NALF1: variants seen among roughly 807,000 people sequenced by gnomAD.
NALF1 encodes NALCN channel auxiliary factor 1, also known as family with sequence similarity 155 member A.
A neutral mutation model predicts 48.4 loss-of-function variants in NALF1; 3 were observed. The ratio of observed to expected loss-of-function variants is 0.06; its 90% CI spans 0.03 to 0.16. The LOEUF is 0.16. NALF1 is among the 10% of genes least tolerant of loss of function. The pLI, the probability that NALF1 is intolerant of heterozygous loss-of-function variation, is 1.00. For missense variants in NALF1, 526 were observed against 571.5 expected (o/e 0.92, Z 0.81); for synonymous variants, 262 against 245.7 (o/e 1.07, Z -0.62).
intron 1 of NALF1, among the ~76,000 whole-genome samples, chr13:107,697,703 C>A (rs1345675446): frequency 6.6e-6 from 1 of 152,090 alleles, no homozygotes; most frequent in Non-Finnish European, 1.5e-5. Flanking sequence ...TATCTACACA[C>A]AAATATGAAA....
intron 1 of NALF1, among the ~76,000 whole-genome samples, chr13:107,648,546 T>C (rs1408928321): frequency 6.6e-6 from 1 of 152,180 alleles, no homozygotes; most frequent in African/African-American, 2.4e-5. Context: ...TAATATTCCA[T>C]TGTATAGATA....
Position 107,761,072 on chromosome 13 carries a change from G to C in NALF1, c.915+104610C>G, listed in dbSNP as rs1877248174. Reference sequence around the variant, plus strand: ...GGTTAAGAAAAAATGGCAAACACCGGCCAGGCGCGGTGGCTGAAATCACAC... The same window carrying C: ...GGTTAAGAAAAAATGGCAAACACCGCCCAGGCGCGGTGGCTGAAATCACAC... On this transcript the variant is annotated intron_variant, in intron 1 of 2. Transcript: ENST00000375915. Among the ~76,000 whole-genome samples, 5 of 152,258 alleles carry C rather than the reference G, an allele frequency of 3.3e-5. No homozygotes were observed. The South Asian group carries it at 1.0e-3, about 32-fold the overall frequency.
chr13:107,331,716 G>A (rs1320248361), intron 1 of NALF1, among the ~76,000 whole-genome samples: 1 of 152,054 alleles, frequency 6.6e-6, no homozygotes, highest in Non-Finnish European at 1.5e-5. Flanking sequence ...ATTAGAACAT[G>A]AAGCAATTTT....
intron 1 of NALF1, among the ~76,000 whole-genome samples, chr13:107,307,800 T>A (rs773867877): frequency 7.2e-5 from 11 of 152,178 alleles, no homozygotes; most frequent in African/African-American, 2.7e-4. Flanking sequence ...AATTAGGTAA[T>A]CTTTTAACAC....
intron 1 of NALF1, among the ~76,000 whole-genome samples, chr13:107,425,247 ATATGTTCTTCCTGTTAGTAAT>A (rs894038850): frequency 2.1e-4 from 32 of 152,308 alleles, no homozygotes; most frequent in Admixed American, 1.8e-3. Context: ...GAAAATTTAG[ATATGTTCTTCCTGTTAGTAAT>A]TCATCATAAA....
At chr13:107,438,083 G>A (rs544880890) in intron 1 of NALF1, among the ~76,000 whole-genome samples, 1 of 152,252 alleles carries the variant, frequency 6.6e-6, no homozygotes, top group South Asian at 2.1e-4. Flanking sequence ...AAATTATTCT[G>A]AGTGATCTGA....
chr13:107,296,382 G>A (rs1454767528), intron 1 of NALF1, among the ~76,000 whole-genome samples: 3 of 151,900 alleles, frequency 2.0e-5, no homozygotes, highest in Non-Finnish European at 4.4e-5. Flanking sequence ...TATTTTTGTG[G>A]GACTAACTTT....
intron 1 of NALF1, among the ~76,000 whole-genome samples, chr13:107,686,664 A>G (rs1881439763): frequency 6.6e-6 from 1 of 152,168 alleles, no homozygotes; most frequent in South Asian, 2.1e-4. Flanking sequence ...TACTTCTCCA[A>G]AGAAGACATA....
chr13:107,809,347 C>T (rs1447012912), intron 1 of NALF1, among the ~76,000 whole-genome samples: 1 of 152,014 alleles, frequency 6.6e-6, no homozygotes, highest in African/African-American at 2.4e-5. Flanking sequence ...CAATGATGTT[C>T]CTACCCCTCT....
chr13:107,383,872 T>C (rs1248576886), intron 1 of NALF1, among the ~76,000 whole-genome samples: 2 of 152,184 alleles, frequency 1.3e-5, no homozygotes, highest in Non-Finnish European at 2.9e-5. Context: ...AAAAGATAAA[T>C]TGGCTAGTCC....
chr13:107,168,643 G>A lies in NALF1; in HGVS notation c.*1854C>T, dbSNP rs1310306688. On this transcript the variant is annotated 3_prime_UTR_variant, in exon 3 of 3. Coordinates refer to ENST00000375915, the MANE Select transcript of NALF1 (RefSeq NM_001080396.3). Reference sequence around the variant, plus strand: ...TCTAGTAAAATATTGTGCATGTACTGCTAAACAATTCTAGCAATTTTATTA... The same window carrying A: ...TCTAGTAAAATATTGTGCATGTACTACTAAACAATTCTAGCAATTTTATTA... 2 of 152,410 alleles carry A rather than the reference G, an allele frequency of 1.3e-5. No individual in the cohort carries two copies. Among genetic ancestry groups the A allele is most frequent in the African/African-American group, 4.8e-5 (2 of 41,360 alleles). The allele number at this position is 152,410 out of a possible 1,614,324, so 9.4% of individuals were successfully genotyped here.
intron 2 of NALF1, 59 bp from the exon 3 acceptor site, chr13:107,170,845 A>C (rs931260888): frequency 6.7e-7 from 1 of 1,500,888 alleles, no homozygotes; most frequent in African/African-American, 1.4e-5. Context: ...GACATAGTAG[A>C]GTGAAGCTGT....
In NALF1 at chr13:107,807,845, G is replaced by A. The variant is rs955724832; in HGVS notation, c.915+57837C>T. On this transcript the variant is annotated intron_variant, in intron 1 of 2. Transcript: ENST00000375915. ...ATACCCCATGGGGAACAGCTCACAC[G>A]GACTACCATATAAATGACTGTACCA... 3.9e-5 allele frequency among the ~76,000 whole-genome samples: 6 copies of A among 152,140 alleles called. No homozygotes were observed. In the East Asian group the frequency reaches 1.2e-3, roughly 29 times the overall value.
chr13:107,349,200 GA>G (rs1245908586), intron 1 of NALF1, among the ~76,000 whole-genome samples: 1 of 152,178 alleles, frequency 6.6e-6, no homozygotes. Context: ...TTTCGAAAGA[GA>G]AAAATCGCTT....
intron 1 of NALF1, among the ~76,000 whole-genome samples, chr13:107,660,280 A>C (rs943633070): frequency 1.1e-4 from 16 of 151,678 alleles, no homozygotes; most frequent in Non-Finnish European, 2.1e-4. Context: ...TCTACCAAAA[A>C]TACAAAAATT....
intron 1 of NALF1, among the ~76,000 whole-genome samples, chr13:107,581,801 T>C (rs1878319422): frequency 1.3e-5 from 2 of 152,184 alleles, no homozygotes; most frequent in East Asian, 1.9e-4. Flanking sequence ...TCTGACACCA[T>C]ATCAGACCCT....
intron 1 of NALF1, among the ~76,000 whole-genome samples, chr13:107,528,792 G>T (rs566432483): frequency 1.3e-5 from 2 of 152,122 alleles, no homozygotes. Flanking sequence ...TTGTCATCAC[G>T]ACGATTCATT....
chr13:107,596,597 C>T (rs953934090), intron 1 of NALF1, among the ~76,000 whole-genome samples: 1 of 152,062 alleles, frequency 6.6e-6, no homozygotes, highest in African/African-American at 2.4e-5. Flanking sequence ...TGCATGTTCT[C>T]ACTCATAAGT....
Position 107,655,757 on chromosome 13 carries a change from C to CTA in NALF1, c.915+209923_915+209924dup, listed in dbSNP as rs1880559245. 2.0e-5 allele frequency among the ~76,000 whole-genome samples: 3 copies of CTA among 152,044 alleles called. No homozygotes were observed. In the South Asian group the frequency reaches 6.2e-4, roughly 32 times the overall value. On this transcript the variant is annotated intron_variant, in intron 1 of 2. Coordinates refer to ENST00000375915, the MANE Select transcript of NALF1 (RefSeq NM_001080396.3). ...AGGCATCACATTACCTGATTTCAAA[C>CTA]TATACTATAAGGCCATAGTCACCAA...
Sources: gnomAD v4.1 joint callset for allele counts (sites outside exome capture counted in the v4.1 genomes callset) on GRCh38, gnomAD v4.1.1 for gene constraint, MANE v1.5 for transcripts, NCBI Gene and HGNC (gene_info 2026-07-23, HGNC 2026-07-21) for gene names.